Variants in CDH4 observed in about 807,000 individuals in gnomAD.
CDH4 encodes cadherin-4.
A neutral mutation model predicts 86.0 loss-of-function variants in CDH4; 33 were observed. The observed-to-expected ratio is 0.38, with a 90% confidence interval of 0.29 to 0.51. The LOEUF is 0.51. CDH4 is among the 20% of genes least tolerant of loss of function. The pLI, the probability that CDH4 is intolerant of heterozygous loss-of-function variation, is 0.86. For missense variants in CDH4, 1,114 were observed against 1,307.4 expected, an observed-to-expected ratio of 0.85 and a Z score of 2.28; for synonymous variants, 555 against 549.4, an observed-to-expected ratio of 1.01 and a Z score of -0.14.
chr20:61,513,285 G>T (rs952622607), intron 2 of CDH4, among the ~76,000 whole-genome samples: 1 of 152,204 alleles, frequency 6.6e-6, no homozygotes, highest in Non-Finnish European at 1.5e-5. Context: ...GCTGCTGGGC[G>T]CAGGGTGGAA....
intron 2 of CDH4, among the ~76,000 whole-genome samples, chr20:61,267,090 TC>T (rs901324573): frequency 1.6e-4 from 24 of 152,248 alleles, no homozygotes; most frequent in African/African-American, 5.8e-4. Context: ...GGAAGGACAC[TC>T]CCCTAGAATC....
At chr20:61,511,464 T>C (rs148519326) in intron 2 of CDH4, among the ~76,000 whole-genome samples, 1 of 152,336 alleles carries the variant, frequency 6.6e-6, no homozygotes, top group East Asian at 1.9e-4. Context: ...TAAAGCAAAC[T>C]GCTGAGGCTA....
chr20:61,841,157 C>T (rs905627849), intron 4 of CDH4, among the ~76,000 whole-genome samples: 14 of 152,230 alleles, frequency 9.2e-5, no homozygotes, highest in Non-Finnish European at 2.9e-5. Context: ...TTCTCCTCAG[C>T]CCAGTGCCAC....
At chr20:61,606,655 G>C (rs2086647924) in intron 2 of CDH4, among the ~76,000 whole-genome samples, 1 of 152,234 alleles carries the variant, frequency 6.6e-6, no homozygotes, top group Non-Finnish European at 1.5e-5. Context: ...GTCCTGGGAA[G>C]TGCACCCCGC....
Position 61,934,058 on chromosome 20 carries a change from C to G in CDH4, c.2382C>G (p.Asp794Glu), listed in dbSNP as rs769482934. The change falls in exon 15 of 16, where the codon GAC (aspartate) becomes GAG (glutamate). Residue 794 changes from aspartate to glutamate, a missense_variant and splice_region_variant. Physicochemically the swap from Asp to Glu is conservative, Grantham distance 45. Transcript: ENST00000614565. ...DEEGGGEEDQ[D>E]YDLSQLQQPE... ...CTCCTCCCGGCTCCCTCCCCCAGGA[C>G]TACGACCTCAGCCAGCTGCAGCAGC... 2.5e-6 allele frequency: 4 copies of G among 1,610,888 alleles called. No individual in the cohort carries two copies. The highest frequency in any genetic ancestry group is 3.4e-6 in the Non-Finnish European group (4 of 1,179,802).
rs1004070181 is a variant in CDH4 at position 61,708,563 on chromosome 20, C to T, written c.170-35000C>T. Among the ~76,000 whole-genome samples, 1 of 152,186 alleles carries T rather than the reference C, an allele frequency of 6.6e-6. No individual in the cohort carries two copies. Reference sequence around the variant, plus strand: ...CGGTGGCTGCAGGCTCTTTGCCCCCCACTTCCCCAGCCCTGCTCCCTCCAG... The same window carrying T: ...CGGTGGCTGCAGGCTCTTTGCCCCCTACTTCCCCAGCCCTGCTCCCTCCAG... On this transcript the variant is annotated intron_variant, in intron 2 of 15. Transcript: ENST00000614565. The surrounding 1 kb of genome is among the most constrained non-coding windows in gnomAD (Gnocchi z 4.5).
At chr20:61,357,114 T>C (rs755279208) in intron 2 of CDH4, among the ~76,000 whole-genome samples, 2 of 152,226 alleles carry the variant, frequency 1.3e-5, no homozygotes, top group Non-Finnish European at 2.9e-5. Flanking sequence ...GCTAGAAGCA[T>C]GGCCATGCCG....
chr20:61,335,989 C>A (rs752217615), intron 2 of CDH4, among the ~76,000 whole-genome samples: 4 of 152,164 alleles, frequency 2.6e-5, no homozygotes, highest in Non-Finnish European at 5.9e-5. Context: ...ATCATGATCA[C>A]CTCTTAAACA....
At chr20:61,643,317 C>G (rs1343111441) in intron 2 of CDH4, among the ~76,000 whole-genome samples, 1 of 152,222 alleles carries the variant, frequency 6.6e-6, no homozygotes, top group African/African-American at 2.4e-5. Flanking sequence ...GCTCTGCCCT[C>G]ATGACTCAGC....
rs4077657 is a variant in CDH4, at chr20:61,328,109, G to A, written c.169+73172G>A. ...GGGAGCAGGTTAGAGGATGCAGGGG[G>A]ACAAAGAGGTCTTTATTTATGTGAA... is the stretch of plus-strand genomic sequence containing the variant. On this transcript the variant is annotated intron_variant, in intron 2 of 15. Transcript: ENST00000614565. Among the ~76,000 whole-genome samples the A allele has an allele frequency of 4.2e-3, 638 of 152,242 alleles. 1 individual carries two copies. The highest frequency in any genetic ancestry group is 0.01 in the South Asian group (50 of 4,812).
At chr20:61,565,203 TCGCGGTGCTCTCGGTGGTA>T (rs1352524864) in intron 2 of CDH4, among the ~76,000 whole-genome samples, 4 of 32,136 alleles carry the variant, frequency 1.2e-4, no homozygotes, top group African/African-American at 3.4e-4. Flanking sequence ...TTGGTGGTGG[TCGCGGTGCTCTCGGTGGTA>T]GGTGGTGGTG....
intron 13 of CDH4, among the ~76,000 whole-genome samples, chr20:61,930,812 T>G (rs2123000223): frequency 6.6e-6 from 1 of 152,320 alleles, no homozygotes; most frequent in Non-Finnish European, 1.5e-5. Flanking sequence ...CCACAGAGGT[T>G]GGGAGGTGTC....
intron 2 of CDH4, among the ~76,000 whole-genome samples, chr20:61,565,766 C>A (rs893962948): frequency 2.0e-5 from 3 of 152,174 alleles, no homozygotes; most frequent in Non-Finnish European, 4.4e-5. Flanking sequence ...AGAGGAGAAG[C>A]CTCCTTCCAC....
At chr20:61,520,025 C>T (rs181579268) in intron 2 of CDH4, among the ~76,000 whole-genome samples, 57 of 152,280 alleles carry the variant, frequency 3.7e-4, no homozygotes, top group African/African-American at 1.3e-3. Context: ...CACAGACTTG[C>T]GTGTGTCAGT....
At chr20:61,461,160 A>C (rs371246426) in intron 2 of CDH4, among the ~76,000 whole-genome samples, 89 of 152,292 alleles carry the variant, frequency 5.8e-4, no homozygotes, top group African/African-American at 1.9e-3. Flanking sequence ...AAATTATTTT[A>C]AAGAGAATAT....
At chr20:61,649,686 T>A (rs1422920719) in intron 2 of CDH4, among the ~76,000 whole-genome samples, 1 of 152,112 alleles carries the variant, frequency 6.6e-6, no homozygotes, top group Non-Finnish European at 1.5e-5. Context: ...GAAGATTGGA[T>A]ATTTGGAAAC....
In CDH4 at chr20:61,816,085, C is replaced by T. The variant is rs969273891; in HGVS notation, c.577-28583C>T. 5.9e-5 allele frequency among the ~76,000 whole-genome samples: 9 copies of T among 152,142 alleles called. No individual in the cohort carries two copies. In the South Asian group the frequency reaches 6.2e-4, roughly 11 times the overall value. On this transcript the variant is annotated intron_variant, in intron 4 of 15. Transcript: ENST00000614565. Reference sequence around the variant, plus strand: ...CTCCCAGGAAGTCCAGGAGCAAGCACCCCGCAGAAGGGCAGCTGGGGGGCC... The same window carrying T: ...CTCCCAGGAAGTCCAGGAGCAAGCATCCCGCAGAAGGGCAGCTGGGGGGCC...
chr20:61,362,873 C>A (rs2084791802), intron 2 of CDH4, among the ~76,000 whole-genome samples: 1 of 152,188 alleles, frequency 6.6e-6, no homozygotes, highest in African/African-American at 2.4e-5. Flanking sequence ...ATTGGTCCAA[C>A]TGGGTCTGAG....
chr20:61,381,762 C>T (rs1156662991), intron 2 of CDH4, among the ~76,000 whole-genome samples: 1 of 152,104 alleles, frequency 6.6e-6, no homozygotes, highest in Non-Finnish European at 1.5e-5. Flanking sequence ...CACATGACAC[C>T]TTTCAGAAAA....
Sources: gnomAD v4.1 joint callset for allele counts (sites outside exome capture counted in the v4.1 genomes callset) on GRCh38, gnomAD v4.1.1 for gene constraint, Gnocchi (gnomAD v3.1) non-coding constraint, MANE v1.5 for transcripts, NCBI Gene and HGNC (gene_info 2026-07-23, HGNC 2026-07-21) for gene names.